Variants in CHL1 observed in about 807,000 individuals in gnomAD.
CHL1 encodes the protein neural cell adhesion molecule L1-like protein.
In CHL1, 96 loss-of-function variants were observed where a neutral mutation model predicts 141.9. That is an observed-to-expected ratio of 0.68 (90% CI 0.57 to 0.80). CHL1 has a LOEUF of 0.80. Ranked by LOEUF, CHL1 falls within the 30% of genes least tolerant of loss-of-function variation. CHL1 has a pLI of 0.00. For synonymous variants in CHL1, 613 were observed against 502.2 expected (o/e 1.22, Z -2.95); for missense variants, 1,820 against 1,457.2 (o/e 1.25, Z -4.05).
chr3:244,882 C>T (rs1442991909), intron 2 of CHL1, among the ~76,000 whole-genome samples, 190 bp downstream of exon 2: 8 of 151,896 alleles, frequency 5.3e-5, no homozygotes, highest in Admixed American at 3.9e-4. Context: ...TTTTTGAGTT[C>T]CATTAAATTG....
At chr3:303,423 G>A (rs1472344532) in intron 2 of CHL1, among the ~76,000 whole-genome samples, 1 of 152,096 alleles carries the variant, frequency 6.6e-6, no homozygotes, top group Non-Finnish European at 1.5e-5. Flanking sequence ...CTTGAGCAGT[G>A]GTTTGTAGTT....
chr3:382,106 G>A, intron 16 of CHL1, 73 bp from the exon 17 acceptor site: 1 of 1,311,730 alleles, frequency 7.6e-7, no homozygotes, highest in Non-Finnish European at 1.1e-6. Flanking sequence ...CCGGGTAGCT[G>A]GCAATGTGTC....
intron 27 of CHL1, among the ~76,000 whole-genome samples, chr3:402,459 T>G (rs1275957386): frequency 3.3e-5 from 5 of 152,222 alleles, no homozygotes; most frequent in Non-Finnish European, 7.3e-5. Context: ...AGTTCTTTTT[T>G]GTTGTAATGT....
At chr3:217,120 C>G (rs1444735479) in intron 1 of CHL1, among the ~76,000 whole-genome samples, 1 of 151,936 alleles carries the variant, frequency 6.6e-6, no homozygotes, top group Non-Finnish European at 1.5e-5. Context: ...ACCTTCTGTG[C>G]AATTCCTGAA....
chr3:288,867 G>A (rs570078101), intron 2 of CHL1, among the ~76,000 whole-genome samples: 6 of 152,220 alleles, frequency 3.9e-5, no homozygotes, highest in South Asian at 2.1e-4. Context: ...AAATATTTTC[G>A]ATAATATTTA....
intron 2 of CHL1, among the ~76,000 whole-genome samples, chr3:262,647 G>A (rs903589051): frequency 1.3e-5 from 2 of 152,296 alleles, no homozygotes; most frequent in African/African-American, 4.8e-5. Flanking sequence ...AACAGGGAGT[G>A]GTAAGGCCTG....
chr3:356,147 T>C (rs1703697498), intron 11 of CHL1, among the ~76,000 whole-genome samples: 1 of 152,154 alleles, frequency 6.6e-6, no homozygotes, highest in Non-Finnish European at 1.5e-5. Flanking sequence ...TCTTCATCTC[T>C]TTAGGGAACA....
At chr3:373,383 CAG>C (rs1464970815) in intron 15 of CHL1, among the ~76,000 whole-genome samples, 2 of 152,170 alleles carry the variant, frequency 1.3e-5, no homozygotes, top group Admixed American at 6.5e-5. Context: ...CACTCAGGGT[CAG>C]GCCTGAAGAG....
chr3:330,072 C>A (rs182377266), intron 5 of CHL1, among the ~76,000 whole-genome samples: 2 of 151,850 alleles, frequency 1.3e-5, no homozygotes, highest in South Asian at 4.1e-4. Context: ...GTAACTAACA[C>A]GGCAAAATGA....
chr3:337,724 C>T (rs1702017842), intron 5 of CHL1, among the ~76,000 whole-genome samples: 2 of 152,122 alleles, frequency 1.3e-5, no homozygotes, highest in African/African-American at 4.8e-5. Context: ...CATAGTATTC[C>T]ATGGTGTATA....
intron 2 of CHL1, chr3:246,718 C>T (rs1373415269): frequency 3.3e-5 from 5 of 152,090 alleles, no homozygotes. Flanking sequence ...TTTATCTGAA[C>T]TTAGGGCACA....
intron 19 of CHL1, among the ~76,000 whole-genome samples, chr3:387,564 A>G (rs1707855549): frequency 6.6e-6 from 1 of 152,172 alleles, no homozygotes; most frequent in Non-Finnish European, 1.5e-5. Context: ...TTTGTCAGAG[A>G]ACTTTATTAA....
In CHL1 at chr3:244,674, AG is replaced by A. The variant is rs1242213964; in HGVS notation, c.-109del. On this transcript the variant is annotated 5_prime_UTR_variant, in exon 2 of 28. Transcript: ENST00000256509. ...CTGCAAACAAATCATAGTGGAACTA[AG>A]GGGAACTTAATTTACTGGTAAGAGT... 2.6e-5 allele frequency: 4 copies of A among 152,232 alleles called. No individual in the cohort carries two copies. The highest frequency in any genetic ancestry group is 2.6e-4 in the Admixed American group (4 of 15,278). 9.4% of individuals were successfully genotyped at this position (152,232 alleles called of 1,614,324 possible).
In CHL1 at chr3:383,840, T is replaced by C. The variant is rs756527601; in HGVS notation, c.2201T>C (p.Ile734Thr). The stretch of plus-strand genomic sequence containing the variant: ...GCTCCAGATAGGAATCCACAAAACA[T>C]AAGGGTTCAAGCCTCTCAACCCAAG... ...PAAPDRNPQN[I>T]RVQASQPKEM... Residue 734 changes from isoleucine (I) to threonine (T), a missense_variant, in exon 19 of 28, where the codon ATA becomes ACA. Coordinates refer to ENST00000256509, the MANE Select transcript of CHL1 (RefSeq NM_006614.4). 13 of 1,610,426 alleles carry C rather than the reference T, an allele frequency of 8.1e-6. No homozygotes were observed. Among genetic ancestry groups the C allele is most frequent in the African/African-American group, 4.0e-5 (3 of 74,836 alleles).
chr3:287,787 A>T (rs1461314076), intron 2 of CHL1, among the ~76,000 whole-genome samples: 2 of 150,826 alleles, frequency 1.3e-5, no homozygotes, highest in Non-Finnish European at 2.9e-5. Context: ...TTTTTTTGAG[A>T]TGGAGTCTCA....
intron 1 of CHL1, among the ~76,000 whole-genome samples, chr3:205,406 A>G (rs1699339881): frequency 6.6e-6 from 1 of 152,114 alleles, no homozygotes. Context: ...GAGCCACCTT[A>G]CACAGCCCAG....
intron 5 of CHL1, among the ~76,000 whole-genome samples, chr3:330,349 T>C (rs948186834): frequency 2.0e-5 from 3 of 152,228 alleles, no homozygotes; most frequent in African/African-American, 7.2e-5. Context: ...TTTAGAGGGA[T>C]CTTTATCATT....
rs74439929 is a variant in CHL1 at position 402,040 on chromosome 3, G to A, written c.3458+342G>A. 4.4e-3 allele frequency among the ~76,000 whole-genome samples: 664 copies of A among 152,264 alleles called. 3 individuals are homozygous for A. The highest frequency in any genetic ancestry group is 6.0e-3 in the Non-Finnish European group (406 of 68,026). On this transcript the variant is annotated intron_variant, in intron 27 of 27. Coordinates refer to ENST00000256509, the MANE Select transcript of CHL1 (RefSeq NM_006614.4). Reference sequence around the variant, plus strand: ...TTCAATCCAATTTGCATCCACACACGCATATCTGTATACCTACAGCGTTGC... The same window carrying A: ...TTCAATCCAATTTGCATCCACACACACATATCTGTATACCTACAGCGTTGC...
chr3:199,213 T>A (rs1698702029), intron 1 of CHL1, among the ~76,000 whole-genome samples: 1 of 152,234 alleles, frequency 6.6e-6, no homozygotes. Flanking sequence ...AATCATTCCT[T>A]GCAAGCTCCT....
Sources: allele counts gnomAD v4.1 joint callset (sites outside exome capture counted in the v4.1 genomes callset), GRCh38; gene constraint gnomAD v4.1.1; transcripts MANE v1.5; gene names NCBI Gene and HGNC (gene_info 2026-07-23, HGNC 2026-07-21).